Variants in CARS2 observed in about 807,000 individuals in gnomAD.
CARS2 encodes the protein probable cysteine--tRNA ligase, mitochondrial.
In CARS2, 52 loss-of-function variants were observed where a neutral mutation model predicts 68.8. The ratio of observed to expected loss-of-function variants is 0.76; its 90% CI spans 0.61 to 0.95. CARS2 has a LOEUF of 0.95. Among genes scored for constraint, CARS2 ranks in the 40% least tolerant of loss-of-function variants. The pLI is 0.00. For synonymous variants in CARS2, 314 were observed against 303.6 expected (o/e 1.03, Z -0.36); for missense variants, 780 against 754.2 (o/e 1.03, Z -0.40).
intron 9 of CARS2, among the ~76,000 whole-genome samples, chr13:110,660,768 T>C (rs1332480929): frequency 6.8e-6 from 1 of 147,768 alleles, no homozygotes; most frequent in Non-Finnish European, 1.5e-5. Flanking sequence ...TAATTCTTTT[T>C]TTTTTTTTTT....
chr13:110,685,483 G>A (rs1434176578), intron 5 of CARS2, among the ~76,000 whole-genome samples: 3 of 152,206 alleles, frequency 2.0e-5, no homozygotes, highest in African/African-American at 7.2e-5. Flanking sequence ...AGTGCTTCAT[G>A]CTTTCTGACT....
intron 6 of CARS2, among the ~76,000 whole-genome samples, chr13:110,678,896 A>G (rs1296563045): frequency 6.6e-6 from 1 of 152,174 alleles, no homozygotes; most frequent in Non-Finnish European, 1.5e-5. Context: ...TGGGCACTCC[A>G]ACATATGGAC....
chr13:110,696,233 G>A (rs560045556), intron 3 of CARS2, among the ~76,000 whole-genome samples: 40 of 152,152 alleles, frequency 2.6e-4, no homozygotes, highest in African/African-American at 8.0e-4. Flanking sequence ...ATAAACATAC[G>A]TGTGTATGTG....
At chr13:110,678,360 C>A (rs1049212523) in intron 6 of CARS2, among the ~76,000 whole-genome samples, 13 of 152,272 alleles carry the variant, frequency 8.5e-5, no homozygotes, top group African/African-American at 3.1e-4. Context: ...GGCGCATGCT[C>A]ACCAAAACCT....
chr13:110,657,619 T>C (rs1007035531), intron 9 of CARS2, among the ~76,000 whole-genome samples: 1 of 152,228 alleles, frequency 6.6e-6, no homozygotes, highest in African/African-American at 2.4e-5. Context: ...AAAAACACTT[T>C]TCTTTAAGAA....
At chr13:110,656,170 G>C (rs552603839) in intron 9 of CARS2, among the ~76,000 whole-genome samples, 17 of 152,222 alleles carry the variant, frequency 1.1e-4, no homozygotes, top group Non-Finnish European at 1.8e-4. Flanking sequence ...GGGTGTGGTG[G>C]TGTAGGCCTG....
Position 110,676,813 on chromosome 13 carries a change from C to T in CARS2, c.785+161G>A, listed in dbSNP as rs868381305. Among the ~76,000 whole-genome samples, 10 of 152,072 alleles carry T rather than the reference C, an allele frequency of 6.6e-5. No individual in the cohort carries two copies. Among genetic ancestry groups the T allele is most frequent in the African/African-American group, 2.2e-4 (9 of 41,424 alleles). ...GATGTGTCATGGGTTTCGTTCACCCCGTTCCATGGCCCGTCACACTCCGGC... is the reference window on the plus strand; with the variant it reads ...GATGTGTCATGGGTTTCGTTCACCCTGTTCCATGGCCCGTCACACTCCGGC... On this transcript the variant is annotated intron_variant, in intron 7 of 14. Coordinates refer to ENST00000257347, the MANE Select transcript of CARS2 (RefSeq NM_024537.4). This position sits in a 1 kb window ranked among gnomAD's most constrained non-coding sequence, Gnocchi z 4.0.
rs1566686459 is a variant in CARS2 at position 110,668,465 on chromosome 13, C to T, written c.786-992G>A. 1.3e-5 allele frequency among the ~76,000 whole-genome samples: 2 copies of T among 151,970 alleles called. No homozygotes were observed. Among genetic ancestry groups the T allele is most frequent in the Non-Finnish European group, 2.9e-5 (2 of 68,002 alleles). Reference sequence around the variant, plus strand: ...GCTGAGGCAAGAGAATGGCATGAACCCGGGAGGCGGAGCTTGCAGTGAGCC... The same window carrying T: ...GCTGAGGCAAGAGAATGGCATGAACTCGGGAGGCGGAGCTTGCAGTGAGCC... On this transcript the variant is annotated intron_variant, in intron 7 of 14. Transcript: ENST00000257347. This position sits in a 1 kb window ranked among gnomAD's most constrained non-coding sequence, Gnocchi z 4.1.
intron 8 of CARS2, chr13:110,664,645 T>C (rs2062598381): frequency 1.0e-6 from 1 of 982,490 alleles, no homozygotes; most frequent in Non-Finnish European, 1.2e-6. Flanking sequence ...TTTTTTAAAA[T>C]TGATGATAGT....
chr13:110,689,563 T>A (rs993642124), intron 3 of CARS2, among the ~76,000 whole-genome samples: 24 of 152,180 alleles, frequency 1.6e-4, no homozygotes, highest in Non-Finnish European at 2.1e-4. Context: ...CTTGGGCAAA[T>A]CAATAATCAA....
chr13:110,690,440 G>A (rs1204640680), intron 3 of CARS2, among the ~76,000 whole-genome samples: 3 of 152,120 alleles, frequency 2.0e-5, no homozygotes, highest in African/African-American at 7.2e-5. Context: ...ATCCCCAAAT[G>A]CAGCCCATTC....
intron 2 of CARS2, among the ~76,000 whole-genome samples, chr13:110,702,344 A>G (rs1446099615): frequency 6.6e-6 from 1 of 152,192 alleles, no homozygotes; most frequent in Non-Finnish European, 1.5e-5. Flanking sequence ...AACTATCTCC[A>G]AAACTCAACA....
chr13:110,688,058 C>A, intron 3 of CARS2, 40 bp from the exon 4 acceptor site: 1 of 1,404,406 alleles, frequency 7.1e-7, no homozygotes, highest in Non-Finnish European at 1.0e-6. Context: ...GAGTCTGGGG[C>A]ATTCGCAACA....
Position 110,665,963 on chromosome 13 carries a change from A to G in CARS2, c.919+1377T>C. ...ATCTCCAAATCTATCACTACCAAACACTCTTTATCTTTCTTCATCTGGGAC... is the reference window on the plus strand; with the variant it reads ...ATCTCCAAATCTATCACTACCAAACGCTCTTTATCTTTCTTCATCTGGGAC... On this transcript the variant is annotated intron_variant, in intron 8 of 14. Transcript: ENST00000257347. The surrounding 1 kb of genome is among the most constrained non-coding windows in gnomAD (Gnocchi z 4.3). 1 of 984,806 alleles carries G rather than the reference A, an allele frequency of 1.0e-6. No individual in the cohort carries two copies. Among genetic ancestry groups the G allele is most frequent in the Non-Finnish European group, 1.2e-6 (1 of 829,796 alleles). 61.0% of individuals were successfully genotyped at this position (984,806 alleles called of 1,614,324 possible).
Position 110,705,715 on chromosome 13 carries a change from C to A in CARS2, c.225-144G>T. On this transcript the variant is annotated intron_variant, in intron 1 of 14. Coordinates refer to ENST00000257347, the MANE Select transcript of CARS2 (RefSeq NM_024537.4). The surrounding 1 kb of genome is among the most constrained non-coding windows in gnomAD (Gnocchi z 4.0). ...GGTTTTCATACTTGCTCAATTCACACCCAAACCTGCAAAAGCACCGCGCAC... is the reference window on the plus strand; with the variant it reads ...GGTTTTCATACTTGCTCAATTCACAACCAAACCTGCAAAAGCACCGCGCAC... The A allele has an allele frequency of 2.0e-6, 3 of 1,530,310 alleles. No individual in the cohort carries two copies. Among genetic ancestry groups the A allele is most frequent in the South Asian group, 2.4e-5 (2 of 83,658 alleles). 94.8% of individuals were successfully genotyped at this position (1,530,310 alleles called of 1,614,324 possible). A position where few individuals can be genotyped will look rare whatever the true frequency, so the allele number is the denominator to read the frequency against.
At chr13:110,669,928 G>A (rs1285273412) in intron 7 of CARS2, among the ~76,000 whole-genome samples, 11 of 152,198 alleles carry the variant, frequency 7.2e-5, no homozygotes, top group Non-Finnish European at 1.3e-4. Context: ...CGCCTGGCTC[G>A]GAGGGTCCCA....
chr13:110,698,086 G>C (rs1820963219), intron 3 of CARS2: 1 of 406,818 alleles, frequency 2.5e-6, no homozygotes. Flanking sequence ...TTAGTCACTA[G>C]TTCCACCCCA....
Position 110,653,783 on chromosome 13 carries a change from T to G in CARS2, c.988-2683A>C, listed in dbSNP as rs749523583. Among the ~76,000 whole-genome samples the G allele has an allele frequency of 6.6e-6, 1 of 151,644 alleles. No individual in the cohort carries two copies. The highest frequency in any genetic ancestry group is 2.4e-5 in the African/African-American group (1 of 41,382). ...TTATACGGACTAAAGGAGAAACATA[T>G]TATAACTTCTTCATTACACAGTATT... On this transcript the variant is annotated intron_variant, in intron 9 of 14. Transcript: ENST00000257347. The surrounding 1 kb of genome is among the most constrained non-coding windows in gnomAD (Gnocchi z 5.6).
chr13:110,647,497 A>G (rs1414629391), intron 10 of CARS2, among the ~76,000 whole-genome samples: 2 of 148,958 alleles, frequency 1.3e-5, no homozygotes, highest in Non-Finnish European at 3.0e-5. Context: ...CTTCCAGCCA[A>G]GAGGTGCATT....
Sources: allele counts gnomAD v4.1 joint callset (sites outside exome capture counted in the v4.1 genomes callset), GRCh38; gene constraint gnomAD v4.1.1; non-coding constraint Gnocchi (gnomAD v3.1); transcripts MANE v1.5; gene names NCBI Gene and HGNC (gene_info 2026-07-23, HGNC 2026-07-21).